Variants in SYN3 observed in about 807,000 individuals in gnomAD.
SYN3 encodes the protein synapsin-3.
SYN3 carries 35 observed loss-of-function variants against 65.8 expected under a neutral mutation model. The observed-to-expected ratio is 0.53, with a 90% CI of 0.41 to 0.70. The LOEUF (loss-of-function observed/expected upper bound fraction) is 0.70. Ranked by LOEUF, SYN3 falls within the 30% of genes least tolerant of loss-of-function variation. The pLI is 0.00. For missense variants in SYN3, 680 were observed against 749.0 expected (o/e 0.91, Z 1.08); for synonymous variants, 270 against 292.9 (o/e 0.92, Z 0.80).
At chr22:32,943,695 G>A (rs937214963) in intron 3 of SYN3, among the ~76,000 whole-genome samples, 2 of 152,188 alleles carry the variant, frequency 1.3e-5, no homozygotes, top group East Asian at 3.9e-4. Flanking sequence ...GCTGTATTCA[G>A]TAGACCCATC....
chr22:32,745,073 T>C (rs1019469373), intron 6 of SYN3, among the ~76,000 whole-genome samples: 2 of 152,142 alleles, frequency 1.3e-5, no homozygotes, highest in African/African-American at 2.4e-5. Flanking sequence ...GGGTTAGGAA[T>C]GATGGGCTGG....
rs1569291033 is a variant in SYN3, at chr22:32,869,691, T to TG, written c.462-567_462-566insC. ...TCTCAAATCAACCAACACATCTTGG[T>TG]TTTTTTTTTTTTTTTTTTTTTCAAG... On this transcript the variant is annotated intron_variant, in intron 4 of 13. Transcript: ENST00000358763. Among the ~76,000 whole-genome samples, 3 of 42,194 alleles carry TG rather than the reference T, an allele frequency of 7.1e-5. No individual in the cohort carries two copies. In the Admixed American group the frequency reaches 9.1e-4, roughly 13 times the overall value. The allele number at this position is 42,194 out of a possible 152,430, so 27.7% of individuals were successfully genotyped here. A position where few individuals can be genotyped will look rare whatever the true frequency, so the allele number is the denominator to read the frequency against.
intron 7 of SYN3, among the ~76,000 whole-genome samples, chr22:32,578,061 TAGTGCCTGGCATGTACAA>T (rs2058878387): frequency 6.6e-6 from 1 of 152,264 alleles, no homozygotes; most frequent in African/African-American, 2.4e-5. Context: ...GTGCCTAGAA[TAGTGCCTGGCATGTACAA>T]AGTGCCTGGA....
chr22:32,820,289 G>T (rs130286), intron 6 of SYN3, among the ~76,000 whole-genome samples: 9 of 142,336 alleles, frequency 6.3e-5, no homozygotes, highest in East Asian at 2.2e-4. Context: ...TGTGTGTGTG[G>T]TGTGTGTGGT....
At chr22:33,015,753 A>G (rs1228141793) in intron 1 of SYN3, among the ~76,000 whole-genome samples, 5 of 152,210 alleles carry the variant, frequency 3.3e-5, no homozygotes, top group East Asian at 1.9e-4. Context: ...TTGTAACTTA[A>G]TAGGACTTAG....
chr22:32,868,051 A>C (rs2048735692), intron 5 of SYN3, among the ~76,000 whole-genome samples: 1 of 152,166 alleles, frequency 6.6e-6, no homozygotes. Flanking sequence ...AAGTTCCTTA[A>C]GTGGCCTGAA....
At chr22:32,931,870 T>C (rs1222841747) in intron 3 of SYN3, among the ~76,000 whole-genome samples, 1 of 150,400 alleles carries the variant, frequency 6.6e-6, no homozygotes, top group Non-Finnish European at 1.5e-5. Context: ...CTTCATGCTC[T>C]ACAGTAGTAT....
chr22:32,933,902 C>T (rs952427392), intron 3 of SYN3, among the ~76,000 whole-genome samples: 3 of 152,182 alleles, frequency 2.0e-5, no homozygotes, highest in African/African-American at 7.2e-5. Flanking sequence ...AACTGTATCT[C>T]CTTGGAGTCA....
intron 6 of SYN3, among the ~76,000 whole-genome samples, chr22:32,637,506 G>C (rs2059832236): frequency 6.6e-6 from 1 of 152,002 alleles, no homozygotes; most frequent in Admixed American, 6.6e-5. Context: ...TAGATTCAAG[G>C]GGCACATGTG....
At chr22:32,865,056 A>G (rs2048654968) in intron 5 of SYN3, 52 bp from the exon 6 acceptor site, 1 of 1,456,350 alleles carries the variant, frequency 6.9e-7, no homozygotes, top group Non-Finnish European at 9.6e-7. Flanking sequence ...CCAGTATAAC[A>G]AAACCTCCCA....
At chr22:32,869,330 T>TTCTCTCTCTCTTCTCTCTCTCTC (rs2048777071) in intron 4 of SYN3, among the ~76,000 whole-genome samples, 1 of 120,932 alleles carries the variant, frequency 8.3e-6, no homozygotes, top group South Asian at 3.3e-4. Context: ...ACTATATATA[T>TTCTCTCTCTCTTCTCTCTCTCTC]TCTCTCTCTC....
chr22:32,532,978 G>T (rs373011318), intron 10 of SYN3, among the ~76,000 whole-genome samples: 43 of 151,904 alleles, frequency 2.8e-4, no homozygotes, highest in African/African-American at 8.2e-4. Context: ...GACATGGAGT[G>T]GGGGGGCAGG....
chr22:32,975,934 G>A (rs1420410224), intron 3 of SYN3, among the ~76,000 whole-genome samples: 2 of 152,174 alleles, frequency 1.3e-5, no homozygotes, highest in Non-Finnish European at 2.9e-5. Context: ...ACTGTTTCTT[G>A]AAATATCACC....
At chr22:32,519,893 T>C (rs578195683) in intron 12 of SYN3, among the ~76,000 whole-genome samples, 1 of 152,240 alleles carries the variant, frequency 6.6e-6, no homozygotes, top group East Asian at 1.9e-4. Context: ...CCCATCTCTG[T>C]GACTCTGTAA....
At chr22:32,988,093 G>C (rs1183826756) in intron 2 of SYN3, among the ~76,000 whole-genome samples, 36 of 151,966 alleles carry the variant, frequency 2.4e-4, no homozygotes. Context: ...CGGTTCACGA[G>C]GTCAAGAGAT....
intron 4 of SYN3, among the ~76,000 whole-genome samples, chr22:32,871,385 C>T (rs2048845079): frequency 1.3e-5 from 2 of 152,192 alleles, no homozygotes; most frequent in Admixed American, 6.5e-5. Context: ...CTTTCTGATT[C>T]CTCAAAATAA....
rs1247745409 is a variant in SYN3 at position 33,028,661 on chromosome 22, G to GTGGTGGTGA, written c.-162-21838_-162-21837insTCACCACCA. 2.9e-3 allele frequency among the ~76,000 whole-genome samples: 330 copies of GTGGTGGTGA among 113,798 alleles called. 1 individual carries two copies. The highest frequency in any genetic ancestry group is 0.012 in the African/African-American group (315 of 25,510). The allele number at this position is 113,798 out of a possible 152,430, so 74.7% of individuals were successfully genotyped here. A position where few individuals can be genotyped will look rare whatever the true frequency, so the allele number is the denominator to read the frequency against. On this transcript the variant is annotated intron_variant, in intron 1 of 13. Coordinates refer to ENST00000358763, the MANE Select transcript of SYN3 (RefSeq NM_003490.4). ...AACCATGATGGTGGTGGTGGTGGTG[G>GTGGTGGTGA]TGGTGGTGGTGGTGGTGGTGGTGGT...
chr22:32,586,689 G>GCCATTTCACCAC (rs2059048094), intron 7 of SYN3, among the ~76,000 whole-genome samples: 1 of 152,116 alleles, frequency 6.6e-6, no homozygotes, highest in Non-Finnish European at 1.5e-5. Context: ...CTCTGAGCAG[G>GCCATTTCACCAC]TCCGTGAATG....
chr22:32,612,080 T>C (rs1242656829), intron 6 of SYN3, among the ~76,000 whole-genome samples: 7 of 152,206 alleles, frequency 4.6e-5, no homozygotes, highest in African/African-American at 1.7e-4. Flanking sequence ...TCCATGGTGA[T>C]AGAAGCTCCT....
Sources: gnomAD v4.1 joint callset for allele counts (sites outside exome capture counted in the v4.1 genomes callset) on GRCh38, gnomAD v4.1.1 for gene constraint, MANE v1.5 for transcripts, NCBI Gene and HGNC (gene_info 2026-07-23, HGNC 2026-07-21) for gene names.